The following LIN28B variants were observed in gnomAD, a reference collection of about 807,000 sequenced individuals.
The protein encoded by LIN28B is protein lin-28 homolog B.
A neutral mutation model predicts 21.9 loss-of-function variants in LIN28B; 5 were observed. The observed-to-expected ratio is 0.23, with a 90% CI of 0.12 to 0.48. LIN28B has a LOEUF of 0.48. Ranked by LOEUF, LIN28B falls within the 20% of genes least tolerant of loss-of-function variation. LIN28B has a pLI of 0.98. For missense variants in LIN28B, 245 were observed against 310.5 expected (o/e 0.79, Z 1.58); for synonymous variants, 109 against 111.3 (o/e 0.98, Z 0.13).
At chr6:105,073,160 A>C (rs559387333) in intron 3 of LIN28B, among the ~76,000 whole-genome samples, 1 of 152,118 alleles carries the variant, frequency 6.6e-6, no homozygotes, top group Non-Finnish European at 1.5e-5. Context: ...CCATGTGTTC[A>C]GTTGATTGGC....
At chr6:105,010,155 A>C (rs943182338) in intron 2 of LIN28B, among the ~76,000 whole-genome samples, 2 of 152,004 alleles carry the variant, frequency 1.3e-5, no homozygotes, top group Admixed American at 1.3e-4. Flanking sequence ...CAGGAGTATG[A>C]GAGCAGCCTG....
At chr6:104,960,739 A>G (rs1452571483) in intron 2 of LIN28B, among the ~76,000 whole-genome samples, 1 of 152,152 alleles carries the variant, frequency 6.6e-6, no homozygotes. Context: ...TTTTCTCTTA[A>G]AAATATTGAT....
At chr6:104,961,239 A>G (rs1248931980) in intron 2 of LIN28B, among the ~76,000 whole-genome samples, 1 of 152,230 alleles carries the variant, frequency 6.6e-6, no homozygotes, top group Admixed American at 6.5e-5. Context: ...GAATTTTGTC[A>G]TATCTCACTG....
At chr6:104,969,525 C>T (rs1769931308) in intron 2 of LIN28B, among the ~76,000 whole-genome samples, 1 of 152,094 alleles carries the variant, frequency 6.6e-6, no homozygotes, top group Non-Finnish European at 1.5e-5. Flanking sequence ...AAAATGGGCA[C>T]AATAGTTGAT....
Sources: allele counts gnomAD v4.1 joint callset (sites outside exome capture counted in the v4.1 genomes callset), GRCh38; gene constraint gnomAD v4.1.1; transcripts MANE v1.5; gene names NCBI Gene and HGNC (gene_info 2026-07-23, HGNC 2026-07-21).